CCDC141: variants seen among roughly 807,000 people sequenced by gnomAD.
The protein encoded by CCDC141 is coiled-coil domain containing 141, also known as coiled-coil domain-containing protein 141.
In CCDC141, 168 loss-of-function variants were observed where a neutral mutation model predicts 181.0. The ratio of observed to expected loss-of-function variants is 0.93; its 90% confidence interval spans 0.82 to 1.05. CCDC141 has a LOEUF of 1.05. Ranked by LOEUF, CCDC141 falls within the 50% of genes least tolerant of loss-of-function variation. CCDC141 has a pLI of 0.00. For synonymous variants in CCDC141, 666 were observed against 642.3 expected (o/e 1.04, Z -0.56); for missense variants, 1,902 against 1,788.5 (o/e 1.06, Z -1.14).
rs755074002 is a variant in CCDC141, at chr2:178,837,370, A to G, written c.3849T>C (p.Phe1283=). 6.2e-7 allele frequency: 1 copy of G among 1,614,080 alleles called. No individual in the cohort carries two copies. The highest frequency in any genetic ancestry group is 8.5e-7 in the Non-Finnish European group (1 of 1,179,972). Residue 1283 remains phenylalanine (F), a synonymous_variant, in exon 23 of 24, where the codon TTT becomes TTC. Transcript: ENST00000443758. The part of the protein sequence containing the change: ...ADACNDKRET[F]SSHFERPYLQ... ...GGTAAGGCCTCTCAAAATGACTTGA[A>G]AATGTTTCTCTCTTATCATTGCATG...
At chr2:179,019,165 C>T (rs554152152) in intron 2 of CCDC141, among the ~76,000 whole-genome samples, 6 of 152,204 alleles carry the variant, frequency 3.9e-5, no homozygotes, top group African/African-American at 1.2e-4. Context: ...TATTAGGAGA[C>T]GAAAGTCTTT....
intron 4 of CCDC141, among the ~76,000 whole-genome samples, chr2:178,971,773 C>T (rs933499530): frequency 1.3e-5 from 2 of 152,214 alleles, no homozygotes; most frequent in African/African-American, 4.8e-5. Flanking sequence ...ATGTCCTTTG[C>T]AGGGACATGG....
chr2:178,856,226 C>A, intron 18 of CCDC141, 31 bp downstream of exon 18: 3 of 1,560,862 alleles, frequency 1.9e-6, no homozygotes, highest in Non-Finnish European at 1.7e-6. Flanking sequence ...CATACACATG[C>A]GCACATATAC....
chr2:178,937,742 C>T (rs1689348616), intron 6 of CCDC141, among the ~76,000 whole-genome samples: 1 of 151,658 alleles, frequency 6.6e-6, no homozygotes, highest in African/African-American at 2.4e-5. Flanking sequence ...ATTATTTGTT[C>T]AATTTTGGAG....
chr2:178,836,753 G>T, intron 23 of CCDC141, 141 bp downstream of exon 23: 1 of 867,596 alleles, frequency 1.2e-6, no homozygotes. Context: ...GGGGTCTGAT[G>T]TGAGATTGAA....
At chr2:178,900,717 T>A (rs1427576676) in intron 8 of CCDC141, among the ~76,000 whole-genome samples, 1 of 152,142 alleles carries the variant, frequency 6.6e-6, no homozygotes, top group African/African-American at 2.4e-5. Context: ...CAGGATAAAA[T>A]TCAGCAGTAA....
At chr2:178,920,727 C>CAT (rs933103380) in intron 6 of CCDC141, among the ~76,000 whole-genome samples, 4 of 149,362 alleles carry the variant, frequency 2.7e-5, no homozygotes, top group Admixed American at 2.0e-4. Context: ...CACACACACA[C>CAT]ACTCAATACA....
chr2:178,863,017 C>T lies in CCDC141; in HGVS notation c.2724+2750G>A, dbSNP rs572015285. Among the ~76,000 whole-genome samples, 12 of 152,006 alleles carry T rather than the reference C, an allele frequency of 7.9e-5. No homozygotes were observed. The South Asian group carries it at 2.5e-3, about 32-fold the overall frequency. On this transcript the variant is annotated intron_variant, in intron 17 of 23. Coordinates refer to ENST00000443758, the MANE Select transcript of CCDC141 (RefSeq NM_173648.4). ...AGAAAATAGGGATAGAAGAGGAAAG[C>T]ATAAAAAAAAGAAGATATTTAACAT...
At chr2:178,862,460 T>G (rs1685662857) in intron 17 of CCDC141, among the ~76,000 whole-genome samples, 1 of 152,244 alleles carries the variant, frequency 6.6e-6, no homozygotes, top group African/African-American at 2.4e-5. Context: ...TGATATTTAC[T>G]TATTACATTT....
chr2:178,970,050 A>T (rs1286268678), intron 4 of CCDC141, among the ~76,000 whole-genome samples: 2 of 152,210 alleles, frequency 1.3e-5, no homozygotes, highest in Non-Finnish European at 2.9e-5. Context: ...AATACCTAGG[A>T]ATCCAACTTA....
At chr2:178,970,327 A>G (rs1295130952) in intron 4 of CCDC141, among the ~76,000 whole-genome samples, 3 of 152,252 alleles carry the variant, frequency 2.0e-5, no homozygotes, top group Non-Finnish European at 4.4e-5. Context: ...ATCCTGGGCA[A>G]GAAGAACAAA....
chr2:178,845,810 A>C, intron 21 of CCDC141, 68 bp from the exon 22 acceptor site: 1 of 894,746 alleles, frequency 1.1e-6, no homozygotes, highest in Non-Finnish European at 1.9e-6. Context: ...TACACTAACT[A>C]CTTGGAAGAA....
intron 2 of CCDC141, among the ~76,000 whole-genome samples, chr2:179,018,718 C>G (rs1268871001): frequency 6.6e-6 from 1 of 152,154 alleles, no homozygotes; most frequent in African/African-American, 2.4e-5. Flanking sequence ...TTATGTTTCA[C>G]TCTTTGGTAC....
rs762914446 is a variant in CCDC141, at chr2:178,977,578, C to T, written c.417+906G>A. ...GTTATAATAAGGTTTTTATTCCTCC[C>T]TTTTGCTTTTAAACAAGTTCATGAT... On this transcript the variant is annotated intron_variant, in intron 3 of 23. Transcript: ENST00000443758. Among the ~76,000 whole-genome samples the T allele has an allele frequency of 1.2e-3, 181 of 152,114 alleles. 1 individual carries two copies. The highest frequency in any genetic ancestry group is 1.7e-3 in the Non-Finnish European group (117 of 68,000).
intron 13 of CCDC141, 45 bp from the exon 14 acceptor site, chr2:178,871,597 C>G (rs1158582904): frequency 6.2e-7 from 1 of 1,600,954 alleles, no homozygotes; most frequent in Non-Finnish European, 8.5e-7. Flanking sequence ...TCTTTGACAT[C>G]TCCAGCAAAT....
intron 6 of CCDC141, among the ~76,000 whole-genome samples, chr2:178,940,161 G>T (rs949507077): frequency 6.6e-6 from 1 of 152,178 alleles, no homozygotes; most frequent in Admixed American, 6.5e-5. Context: ...AGGGCTGAAT[G>T]GCAGAAGGAG....
At chr2:179,003,130 T>G (rs927586801) in intron 2 of CCDC141, among the ~76,000 whole-genome samples, 1 of 152,150 alleles carries the variant, frequency 6.6e-6, no homozygotes, top group African/African-American at 2.4e-5. Context: ...AAATTGAAAA[T>G]TTTTCTTCTC....
At chr2:178,982,516 C>G (rs1319801172) in intron 2 of CCDC141, among the ~76,000 whole-genome samples, 2 of 152,194 alleles carry the variant, frequency 1.3e-5, no homozygotes, top group African/African-American at 4.8e-5. Flanking sequence ...CTGAGCGACG[C>G]AGAAGACGGG....
chr2:179,011,131 C>G (rs773581185), intron 2 of CCDC141, among the ~76,000 whole-genome samples: 1 of 151,904 alleles, frequency 6.6e-6, no homozygotes, highest in African/African-American at 2.4e-5. Flanking sequence ...GCACTCCAGC[C>G]TGGGCAATAG....
Sources: allele counts gnomAD v4.1 joint callset (sites outside exome capture counted in the v4.1 genomes callset), GRCh38; gene constraint gnomAD v4.1.1; transcripts MANE v1.5; gene names NCBI Gene and HGNC (gene_info 2026-07-23, HGNC 2026-07-21).